RUNX1T1: variants seen among roughly 807,000 people sequenced by gnomAD.
RUNX1T1 encodes protein CBFA2T1.
In RUNX1T1, 4 loss-of-function variants were observed where a neutral mutation model predicts 62.8. The observed-to-expected ratio is 0.06, with a 90% confidence interval of 0.03 to 0.15. RUNX1T1 has a LOEUF of 0.15. RUNX1T1 is among the 10% of genes least tolerant of loss of function. RUNX1T1 has a pLI of 1.00. For missense variants in RUNX1T1, 508 were observed against 754.3 expected (o/e 0.67, Z 3.82); for synonymous variants, 291 against 286.0 (o/e 1.02, Z -0.18).
At chr8:92,035,420 C>A (rs888748227) in intron 1 of RUNX1T1, among the ~76,000 whole-genome samples, 1 of 151,912 alleles carries the variant, frequency 6.6e-6, no homozygotes, top group Admixed American at 6.6e-5. Context: ...ATTTGGTACA[C>A]TAAAAGCCTC....
At chr8:91,995,794 A>G (rs994810186) in intron 5 of RUNX1T1, among the ~76,000 whole-genome samples, 1 of 152,200 alleles carries the variant, frequency 6.6e-6, no homozygotes, top group Admixed American at 6.5e-5. Flanking sequence ...CTCAAAAAAA[A>G]GGGGAAAAAA....
chr8:92,008,388 T>TCTCTCACACA (rs1554617950), intron 4 of RUNX1T1, among the ~76,000 whole-genome samples: 5 of 131,966 alleles, frequency 3.8e-5, no homozygotes, highest in South Asian at 5.4e-4. Flanking sequence ...TCTCTCTCTC[T>TCTCTCACACA]CACACACACA....
chr8:92,058,902 C>T (rs989445946), intron 1 of RUNX1T1, among the ~76,000 whole-genome samples: 2 of 152,062 alleles, frequency 1.3e-5, no homozygotes, highest in Admixed American at 6.5e-5. Context: ...GATGTCATAA[C>T]CATCACCCCC....
intron 2 of RUNX1T1, among the ~76,000 whole-genome samples, chr8:92,069,369 T>G (rs1833340519): frequency 6.6e-6 from 1 of 152,016 alleles, no homozygotes; most frequent in South Asian, 2.1e-4. Context: ...ATTAAAACAC[T>G]TTCAACAAAA....
At chr8:91,977,004 G>C (rs756705373) in intron 8 of RUNX1T1, 1 of 191,224 alleles carries the variant, frequency 5.2e-6, no homozygotes, top group Non-Finnish European at 1.1e-5. Flanking sequence ...TAATGGTTAT[G>C]TTGAAGATGA....
At chr8:91,999,227 A>T (rs1050584616) in intron 5 of RUNX1T1, among the ~76,000 whole-genome samples, 1 of 152,156 alleles carries the variant, frequency 6.6e-6, no homozygotes, top group Non-Finnish European at 1.5e-5. Context: ...AAACAGAACA[A>T]ATGTGGTATG....
At chr8:92,043,473 A>G (rs1056455442) in intron 1 of RUNX1T1, among the ~76,000 whole-genome samples, 1 of 152,016 alleles carries the variant, frequency 6.6e-6, no homozygotes, top group Non-Finnish European at 1.5e-5. Context: ...AAAAGTCATT[A>G]TACATTATCA....
At chr8:92,076,243 GT>G in intron 1 of RUNX1T1, 106 bp from the exon 2 acceptor site, 1 of 824,132 alleles carries the variant, frequency 1.2e-6, no homozygotes, top group Non-Finnish European at 1.6e-6. Context: ...GTTATGTTTT[GT>G]TTAAAAAAAA....
upstream of RUNX1T1, among the ~76,000 whole-genome samples, chr8:92,101,713 C>G (rs1838045095): frequency 6.6e-6 from 1 of 152,118 alleles, no homozygotes; most frequent in Admixed American, 6.5e-5. Context: ...TCATAGTACT[C>G]AAACTTTTCC....
At chr8:92,023,018 A>G (rs936815754) in intron 1 of RUNX1T1, among the ~76,000 whole-genome samples, 4 of 152,202 alleles carry the variant, frequency 2.6e-5, no homozygotes, top group Non-Finnish European at 4.4e-5. Context: ...CTTGTTGCAC[A>G]TTAGTCAGAT....
At chr8:91,970,294 T>C (rs1812550966) in intron 10 of RUNX1T1, among the ~76,000 whole-genome samples, 1 of 152,108 alleles carries the variant, frequency 6.6e-6, no homozygotes, top group Non-Finnish European at 1.5e-5. Context: ...AGACCACAGC[T>C]TACACAGTAT....
At chr8:92,046,916 A>G (rs1829497098) in intron 1 of RUNX1T1, among the ~76,000 whole-genome samples, 1 of 152,230 alleles carries the variant, frequency 6.6e-6, no homozygotes, top group African/African-American at 2.4e-5. Context: ...GAGGCATGGA[A>G]TAATAAATGA....
chr8:92,042,577 C>T (rs572828036), intron 1 of RUNX1T1, among the ~76,000 whole-genome samples: 2 of 152,294 alleles, frequency 1.3e-5, no homozygotes, highest in South Asian at 2.1e-4. Context: ...CTTGGCTTCC[C>T]GAAGTGCTGG....
chr8:92,066,202 G>A (rs1304374184), upstream of RUNX1T1, among the ~76,000 whole-genome samples: 1 of 152,150 alleles, frequency 6.6e-6, no homozygotes, highest in East Asian at 1.9e-4. Context: ...CACCCAACGA[G>A]CATTGATGAA....
At chr8:92,014,282 TACACAC>T (rs34477770) in intron 3 of RUNX1T1, among the ~76,000 whole-genome samples, 5 of 149,474 alleles carry the variant, frequency 3.3e-5, no homozygotes, top group Non-Finnish European at 3.0e-5. Context: ...CACGTGCACA[TACACAC>T]ACACACACAC....
At chr8:92,096,700 G>C (rs548284057) in intron 1 of RUNX1T1, among the ~76,000 whole-genome samples, 1 of 152,254 alleles carries the variant, frequency 6.6e-6, no homozygotes, top group South Asian at 2.1e-4. Context: ...ATTGTTCATG[G>C]TGTGCACTGT....
At chr8:92,082,817 G>A (rs1175119364) in intron 1 of RUNX1T1, among the ~76,000 whole-genome samples, 1 of 152,096 alleles carries the variant, frequency 6.6e-6, no homozygotes, top group Non-Finnish European at 1.5e-5. Flanking sequence ...AATGTCGGGG[G>A]AAGGGTCCTG....
At chr8:92,023,245 T>G (rs1347399748) in intron 1 of RUNX1T1, among the ~76,000 whole-genome samples, 1 of 152,206 alleles carries the variant, frequency 6.6e-6, no homozygotes, top group East Asian at 1.9e-4. Context: ...ATTCTACTTT[T>G]CTTATCTATG....
chr8:91,967,709 G>A (rs1044743336), intron 10 of RUNX1T1, among the ~76,000 whole-genome samples: 4 of 152,274 alleles, frequency 2.6e-5, no homozygotes, highest in Middle Eastern at 6.8e-3. Flanking sequence ...TTCTGATCGC[G>A]AATCTTAGAT....
Sources: gnomAD v4.1 joint callset for allele counts (sites outside exome capture counted in the v4.1 genomes callset) on GRCh38, gnomAD v4.1.1 for gene constraint, MANE v1.5 for transcripts, NCBI Gene and HGNC (gene_info 2026-07-23, HGNC 2026-07-21) for gene names.